The following FRY variants were observed in gnomAD, a reference collection of about 807,000 sequenced individuals.
The protein encoded by FRY is protein furry homolog.
A neutral mutation model predicts 348.4 loss-of-function variants in FRY; 128 were observed. The observed-to-expected ratio is 0.37, with a 90% confidence interval of 0.32 to 0.43. The LOEUF (loss-of-function observed/expected upper bound fraction) is 0.43. Ranked by LOEUF, FRY falls within the 20% of genes least tolerant of loss-of-function variation. The pLI is 1.00. For missense variants in FRY, 2,736 were observed against 3,695.2 expected (o/e 0.74, Z 6.73); for synonymous variants, 1,370 against 1,374.7 (o/e 1.00, Z 0.08).
chr13:32,159,042 T>G (rs205004), intron 16 of FRY, among the ~76,000 whole-genome samples: 2 of 149,548 alleles, frequency 1.3e-5, no homozygotes, highest in Admixed American at 6.7e-5. Flanking sequence ...GACAAAAACA[T>G]TATATTCAAA....
chr13:32,118,190 A>G (rs182536179), intron 4 of FRY, among the ~76,000 whole-genome samples: 1 of 152,326 alleles, frequency 6.6e-6, no homozygotes, highest in East Asian at 1.9e-4. Context: ...TAGTCAACCT[A>G]TAGCAAGGCA....
intron 1 of FRY, among the ~76,000 whole-genome samples, chr13:32,053,081 C>A (rs927515173): frequency 2.0e-5 from 3 of 151,860 alleles, no homozygotes; most frequent in African/African-American, 7.3e-5. Flanking sequence ...CCACTGCACT[C>A]CAGCCTGGAA....
intron 23 of FRY, among the ~76,000 whole-genome samples, chr13:32,180,514 C>G (rs578128015): frequency 1.9e-3 from 288 of 152,338 alleles, no homozygotes; most frequent in Non-Finnish European, 3.4e-3. Flanking sequence ...GGATTACAGG[C>G]GTGAGCCACC....
chr13:32,124,446 T>C, intron 5 of FRY, 70 bp downstream of exon 5: 2 of 972,776 alleles, frequency 2.1e-6, no homozygotes, highest in African/African-American at 1.6e-5. Flanking sequence ...GTTGTAAAAG[T>C]CTAAGTTTTT....
chr13:32,179,602 G>A, intron 22 of FRY, 73 bp from the exon 23 acceptor site: 5 of 1,428,588 alleles, frequency 3.5e-6, no homozygotes, highest in Non-Finnish European at 4.8e-6. Flanking sequence ...TGTTATAATG[G>A]GATCATCCTT....
rs769044942 is a variant in FRY at position 32,210,984 on chromosome 13, C to T, written c.4541C>T (p.Pro1514Leu). The part of the protein sequence containing the change: ...VNPIVQHCDN[P>L]PFYRFTASSK... ...CCCATCGTCCAGCATTGTGACAACCCGCCCTTCTACCGCTTCACGGCCAGT... is the reference window on the plus strand; with the variant it reads ...CCCATCGTCCAGCATTGTGACAACCTGCCCTTCTACCGCTTCACGGCCAGT... The change falls in exon 34 of 61, where the codon CCG (proline) becomes CTG (leucine). Residue 1514 changes from proline to leucine, a missense_variant. Coordinates refer to ENST00000542859, the MANE Select transcript of FRY (RefSeq NM_023037.3). 6 of 1,613,886 alleles carry T rather than the reference C, an allele frequency of 3.7e-6. No individual in the cohort carries two copies. The highest frequency in any genetic ancestry group is 3.3e-5 in the Admixed American group (2 of 59,996).
At chr13:32,039,790 CT>C (rs1344192200) in intron 1 of FRY, among the ~76,000 whole-genome samples, 1 of 152,176 alleles carries the variant, frequency 6.6e-6, no homozygotes, top group African/African-American at 2.4e-5. Context: ...TCAGCTAATA[CT>C]TTTTATGCTG....
Position 32,249,528 on chromosome 13 carries a change from T to C in FRY, c.7011T>C (p.Thr2337=). ...TLDFHFDISE[T]PIIGRRYDEL... is the part of the protein sequence containing the mutation. The stretch of plus-strand genomic sequence containing the variant: ...TGTGCGTTTGTCTTCTTCTCAAGAC[T>C]CCAATCATCGGGAGGCGGTATGATG... The change falls in exon 49 of 61, where the codon ACT becomes ACC. Residue 2337 remains threonine, a splice_region_variant and synonymous_variant. Coordinates refer to ENST00000542859, the MANE Select transcript of FRY (RefSeq NM_023037.3). 6.2e-7 allele frequency: 1 copy of C among 1,614,132 alleles called. No homozygotes were observed. The highest frequency in any genetic ancestry group is 8.5e-7 in the Non-Finnish European group (1 of 1,180,024).
intron 1 of FRY, among the ~76,000 whole-genome samples, chr13:32,042,004 G>T (rs1872769535): frequency 6.6e-6 from 1 of 152,144 alleles, no homozygotes; most frequent in Non-Finnish European, 1.5e-5. Context: ...GAAGATTCTA[G>T]CACATTTTAA....
intron 1 of FRY, among the ~76,000 whole-genome samples, chr13:32,065,312 A>G (rs1874185241): frequency 6.6e-6 from 1 of 152,130 alleles, no homozygotes; most frequent in Non-Finnish European, 1.5e-5. Context: ...AATTAAAAAA[A>G]AATTTTTTTT....
intron 18 of FRY, 76 bp downstream of exon 18, chr13:32,171,346 CTG>C: frequency 2.3e-6 from 3 of 1,296,868 alleles, no homozygotes; most frequent in South Asian, 1.4e-5. Flanking sequence ...CAGTCTTACT[CTG>C]TTGCCCAGGC....
At chr13:32,275,101 G>T in intron 56 of FRY, 110 bp downstream of exon 56, 2 of 987,994 alleles carry the variant, frequency 2.0e-6, no homozygotes, top group Admixed American at 3.8e-5. Context: ...CCTTCTGGCC[G>T]GGTGCGGTGG....
intron 2 of FRY, among the ~76,000 whole-genome samples, chr13:32,083,883 C>T (rs755144543): frequency 1.3e-5 from 2 of 152,100 alleles, no homozygotes; most frequent in Non-Finnish European, 2.9e-5. Context: ...GGGCCCACAT[C>T]ACTGTTTCCT....
chr13:32,188,794 C>A (rs941614535), intron 28 of FRY, among the ~76,000 whole-genome samples: 2 of 152,078 alleles, frequency 1.3e-5, no homozygotes, highest in East Asian at 3.8e-4. Flanking sequence ...CTTTGAAGAT[C>A]TATAGAATCT....
At chr13:32,208,158 G>C (rs1000155065) in intron 31 of FRY, among the ~76,000 whole-genome samples, 1 of 152,202 alleles carries the variant, frequency 6.6e-6, no homozygotes, top group Non-Finnish European at 1.5e-5. Flanking sequence ...CCCTTGGCAG[G>C]CACCTTCCAC....
intron 51 of FRY, among the ~76,000 whole-genome samples, chr13:32,254,870 C>T (rs1305065956): frequency 1.3e-5 from 2 of 152,106 alleles, no homozygotes; most frequent in Non-Finnish European, 2.9e-5. Context: ...TTGATGAAAT[C>T]GTTAGAACTG....
At chr13:32,264,008 A>G (rs1887801928) in intron 53 of FRY, among the ~76,000 whole-genome samples, 1 of 150,540 alleles carries the variant, frequency 6.6e-6, no homozygotes, top group East Asian at 1.9e-4. Flanking sequence ...CTCCATCTCG[A>G]AAAAAAAAAG....
At chr13:32,203,579 T>A (rs1884171604) in intron 31 of FRY, among the ~76,000 whole-genome samples, 2 of 152,054 alleles carry the variant, frequency 1.3e-5, no homozygotes, top group Non-Finnish European at 2.9e-5. Flanking sequence ...AAAAATTAGC[T>A]GGGCATGGTG....
chr13:32,055,996 G>A (rs1016651449), intron 1 of FRY, among the ~76,000 whole-genome samples: 12 of 152,010 alleles, frequency 7.9e-5, no homozygotes, highest in African/African-American at 2.9e-4. Context: ...ATTGAGACCA[G>A]CCTGGCCAAT....
Sources: allele counts gnomAD v4.1 joint callset (sites outside exome capture counted in the v4.1 genomes callset), GRCh38; gene constraint gnomAD v4.1.1; transcripts MANE v1.5; gene names NCBI Gene and HGNC (gene_info 2026-07-23, HGNC 2026-07-21).